The following OSBP2 variants were observed in gnomAD, a reference collection of about 807,000 sequenced individuals.
OSBP2 encodes the protein oxysterol binding protein 2.
Under a neutral mutation model 96.0 loss-of-function variants are expected in OSBP2, and 66 were observed. The ratio of observed to expected loss-of-function variants is 0.69; its 90% CI spans 0.56 to 0.84. OSBP2 has a LOEUF of 0.84. Among genes scored for constraint, OSBP2 ranks in the 40% least tolerant of loss-of-function variants. The probability of loss-of-function intolerance (pLI) is 0.00; values close to 1 mark genes in which losing one functional copy is unlikely to be tolerated. For synonymous variants in OSBP2, 525 were observed against 520.9 expected (o/e 1.01, Z -0.11); for missense variants, 1,038 against 1,222.7 (o/e 0.85, Z 2.25).
chr22:30,824,517 C>A (rs1159826645), intron 2 of OSBP2, among the ~76,000 whole-genome samples: 2 of 152,126 alleles, frequency 1.3e-5, no homozygotes, highest in Non-Finnish European at 2.9e-5. Flanking sequence ...TTTCCACATA[C>A]AAACACATAC....
intron 1 of OSBP2, among the ~76,000 whole-genome samples, chr22:30,722,877 T>C (rs894231311): frequency 6.6e-6 from 1 of 150,648 alleles, no homozygotes; most frequent in Non-Finnish European, 1.5e-5. Flanking sequence ...TTTTACCTTC[T>C]GAGCTCAAGT....
chr22:30,880,562 C>T (rs575210509), intron 3 of OSBP2, among the ~76,000 whole-genome samples: 1 of 152,176 alleles, frequency 6.6e-6, no homozygotes, highest in Non-Finnish European at 1.5e-5. Context: ...CCCTCACATC[C>T]CTGTCTAGAA....
chr22:30,856,576 G>A (rs954501455), intron 2 of OSBP2, among the ~76,000 whole-genome samples: 6 of 151,376 alleles, frequency 4.0e-5, no homozygotes, highest in African/African-American at 1.5e-4. Flanking sequence ...TAGTAGAGAC[G>A]GGATTTTGCC....
chr22:30,842,251 A>G (rs1369940340), intron 2 of OSBP2, among the ~76,000 whole-genome samples: 1 of 152,200 alleles, frequency 6.6e-6, no homozygotes, highest in Admixed American at 6.5e-5. Flanking sequence ...GAACAATGCA[A>G]TGAACCATCG....
At chr22:30,739,174 TAC>T (rs1400071111) in intron 1 of OSBP2, among the ~76,000 whole-genome samples, 4 of 152,236 alleles carry the variant, frequency 2.6e-5, no homozygotes, top group African/African-American at 9.6e-5. Flanking sequence ...GGAAATGGCA[TAC>T]ACTTTAGTCA....
Position 30,890,790 on chromosome 22 carries a change from C to A in OSBP2, c.1686C>A (p.His562Gln). 6.2e-7 allele frequency: 1 copy of A among 1,613,636 alleles called. No homozygotes were observed. ...QRLTEDLEYHHLLDKAVHCTS... is the reference protein window; with the variant it reads ...QRLTEDLEYHQLLDKAVHCTS... Reference sequence around the variant, plus strand: ...TGACAGAGGACCTGGAGTACCACCACCTGCTGGACAAGGCAGTGCACTGCA... The same window carrying A: ...TGACAGAGGACCTGGAGTACCACCAACTGCTGGACAAGGCAGTGCACTGCA... The change falls in exon 8 of 14, where the codon CAC becomes CAA. Residue 562 changes from histidine to glutamine, a missense_variant. His to Gln is a conservative substitution (Grantham distance 24, BLOSUM62 0). Around this residue, in one of 3 missense-constraint regions of OSBP2, gnomAD observed 737 missense variants for 913.3 expected, o/e 0.81. Transcript: ENST00000332585. The surrounding 1 kb of genome is among the most constrained non-coding windows in gnomAD (Gnocchi z 4.4).
intron 2 of OSBP2, among the ~76,000 whole-genome samples, chr22:30,805,364 T>A (rs928689498): frequency 5.9e-5 from 9 of 152,198 alleles, no homozygotes; most frequent in African/African-American, 2.2e-4. Context: ...GGTAGAATAG[T>A]TAAATGTGAG....
Position 30,815,745 on chromosome 22 carries a change from A to T in OSBP2, c.854-54684A>T, listed in dbSNP as rs774291357. Among the ~76,000 whole-genome samples, 72 of 151,896 alleles carry T rather than the reference A, an allele frequency of 4.7e-4. 2 individuals carry two copies. The highest frequency in any genetic ancestry group is 1.5e-4 in the Non-Finnish European group (10 of 67,916). ...TATCTTTCTCTTTTTTCTTTTTTTT[A>T]AAAATTTCTTAGCCCAAAAGGCCAT... On this transcript the variant is annotated intron_variant, in intron 2 of 13. Coordinates refer to ENST00000332585, the MANE Select transcript of OSBP2 (RefSeq NM_030758.4).
At position 30,741,296 on chromosome 22, in the gene OSBP2, G is replaced by A. The variant is rs1292959564; in HGVS notation, c.780G>A (p.Val260=). 1 of 1,613,944 alleles carries A rather than the reference G, an allele frequency of 6.2e-7. No individual in the cohort carries two copies. Among genetic ancestry groups the A allele is most frequent in the South Asian group, 1.1e-5 (1 of 91,072 alleles). ...ACCACCTCAAGGCCAGCTCAGAGGT[G>A]GACCGGCAGCAGTGGATCACCGCCC... ...RSYHLKASSE[V]DRQQWITALE... Residue 260 remains valine, a synonymous_variant, in exon 2 of 14, where the codon GTG becomes GTA. Transcript: ENST00000332585.
At chr22:30,898,232 G>A (rs2040109716) in intron 12 of OSBP2, among the ~76,000 whole-genome samples, 1 of 151,992 alleles carries the variant, frequency 6.6e-6, no homozygotes, top group African/African-American at 2.4e-5. Flanking sequence ...CATGCCTGTA[G>A]TCCCAGATAC....
At chr22:30,781,068 C>T (rs557425482) in intron 2 of OSBP2, among the ~76,000 whole-genome samples, 97 of 151,778 alleles carry the variant, frequency 6.4e-4, no homozygotes, top group African/African-American at 2.0e-3. Context: ...CTTCACCTCC[C>T]GGGTTCAAGC....
chr22:30,796,905 T>C (rs1173264292), intron 2 of OSBP2, among the ~76,000 whole-genome samples: 1 of 152,218 alleles, frequency 6.6e-6, no homozygotes, highest in East Asian at 1.9e-4. Context: ...TATATTAGTG[T>C]TGTTGTGCAT....
At chr22:30,883,548 C>G (rs182772600) in intron 3 of OSBP2, among the ~76,000 whole-genome samples, 3 of 152,200 alleles carry the variant, frequency 2.0e-5, no homozygotes, top group Non-Finnish European at 4.4e-5. Context: ...AGCACTGGGC[C>G]AAGCTTAGGG....
Position 30,702,219 on chromosome 22 carries a change from T to C in OSBP2, c.644+6666T>C, listed in dbSNP as rs544710820. 1.8e-4 allele frequency among the ~76,000 whole-genome samples: 28 copies of C among 152,348 alleles called. 1 individual carries two copies. The South Asian group carries it at 5.6e-3, about 30-fold the overall frequency. ...TCAGGTCTGCCTTCTGCTTACCTGG[T>C]GTCCCAGCTTCTGTCCTGGACAGTG... On this transcript the variant is annotated intron_variant, in intron 1 of 13. Transcript: ENST00000332585.
chr22:30,702,400 G>A (rs1338176617), intron 1 of OSBP2, among the ~76,000 whole-genome samples: 1 of 152,120 alleles, frequency 6.6e-6, no homozygotes, highest in African/African-American at 2.4e-5. Context: ...GGTCACCTGA[G>A]GTCAGGAGTT....
chr22:30,894,803 G>A (rs1458286641), intron 12 of OSBP2, among the ~76,000 whole-genome samples: 1 of 152,212 alleles, frequency 6.6e-6, no homozygotes, highest in Non-Finnish European at 1.5e-5. Flanking sequence ...AGAAATGGGA[G>A]CTTGAAGACA....
chr22:30,787,268 GA>G (rs1324433511), intron 2 of OSBP2, among the ~76,000 whole-genome samples: 1 of 152,182 alleles, frequency 6.6e-6, no homozygotes, highest in Non-Finnish European at 1.5e-5. Flanking sequence ...GAAGGGGAAG[GA>G]AACACATTCT....
chr22:30,814,401 A>G (rs1040961264), intron 2 of OSBP2, among the ~76,000 whole-genome samples: 2 of 141,428 alleles, frequency 1.4e-5, no homozygotes, highest in Admixed American at 1.5e-4. Context: ...CACCAGTCGT[A>G]TGGATTAGGG....
chr22:30,789,516 T>C (rs921151081), intron 2 of OSBP2, among the ~76,000 whole-genome samples: 3 of 152,188 alleles, frequency 2.0e-5, no homozygotes, highest in Admixed American at 2.0e-4. Context: ...TTCCTCGTCA[T>C]TGACCCCATA....
Sources: gnomAD v4.1 joint callset for allele counts (sites outside exome capture counted in the v4.1 genomes callset) on GRCh38, gnomAD v4.1.1 for gene constraint, gnomAD v4.1.1 regional missense constraint, Gnocchi (gnomAD v3.1) non-coding constraint, MANE v1.5 for transcripts, NCBI Gene and HGNC (gene_info 2026-07-23, HGNC 2026-07-21) for gene names.